Variants in ATXN7L1 observed in about 807,000 individuals in gnomAD.
The protein encoded by ATXN7L1 is ataxin-7-like protein 1.
ATXN7L1 carries 15 observed loss-of-function variants against 70.8 expected under a neutral mutation model. The ratio of observed to expected loss-of-function variants is 0.21; its 90% confidence interval spans 0.14 to 0.33. The LOEUF (loss-of-function observed/expected upper bound fraction) is 0.33, where lower values mean the gene tolerates loss of function less well. Ranked by LOEUF, ATXN7L1 falls within the 10% of genes least tolerant of loss-of-function variation. ATXN7L1 has a pLI of 1.00. For missense variants in ATXN7L1, 975 were observed against 1,097.1 expected (o/e 0.89, Z 1.57); for synonymous variants, 440 against 445.1 (o/e 0.99, Z 0.14).
intron 3 of ATXN7L1, chr7:105,760,337 T>G (rs573349435): frequency 5.8e-5 from 53 of 918,304 alleles, no homozygotes; most frequent in South Asian, 4.0e-4. Flanking sequence ...AGGGGGCTGT[T>G]AGGATCCCCA....
At chr7:105,753,291 T>G (rs1038421118) in intron 3 of ATXN7L1, among the ~76,000 whole-genome samples, 78 of 152,312 alleles carry the variant, frequency 5.1e-4, no homozygotes, top group African/African-American at 1.7e-3. Flanking sequence ...ACAAGTCACT[T>G]AAATTTTCTA....
At chr7:105,808,948 A>C (rs1056946913) in intron 2 of ATXN7L1, among the ~76,000 whole-genome samples, 3 of 152,264 alleles carry the variant, frequency 2.0e-5, no homozygotes, top group Non-Finnish European at 4.4e-5. Context: ...CTCATTGTCC[A>C]ACCTACGGGG....
chr7:105,729,258 G>C (rs759547060), intron 3 of ATXN7L1, among the ~76,000 whole-genome samples: 2 of 150,804 alleles, frequency 1.3e-5, no homozygotes, highest in Non-Finnish European at 1.5e-5. Context: ...GTGACACAAT[G>C]AGACTCTGTA....
chr7:105,875,721 T>C lies in ATXN7L1; in HGVS notation c.250+91A>G. On this transcript the variant is annotated intron_variant, in intron 2 of 11. Coordinates refer to ENST00000419735, the MANE Select transcript of ATXN7L1 (RefSeq NM_020725.2). ...AATTTTTGACAAGCCTTAGTCACTC[T>C]GTACCCAGCAGAACAATTCACATTA... 5 of 1,255,834 alleles carry C rather than the reference T, an allele frequency of 4.0e-6. No individual in the cohort carries two copies. The South Asian group carries it at 4.8e-5, about 12-fold the overall frequency. The allele number at this position is 1,255,834 out of a possible 1,614,324, so 77.8% of individuals were successfully genotyped here. A position where few individuals can be genotyped will look rare whatever the true frequency, so the allele number is the denominator to read the frequency against.
intron 3 of ATXN7L1, among the ~76,000 whole-genome samples, chr7:105,689,701 G>A (rs1584736244): frequency 6.6e-6 from 1 of 152,334 alleles, no homozygotes. Flanking sequence ...GGGCAGATTT[G>A]AATCAAATTA....
chr7:105,857,499 G>A (rs141701853), intron 2 of ATXN7L1, among the ~76,000 whole-genome samples: 61 of 152,254 alleles, frequency 4.0e-4, no homozygotes, highest in African/African-American at 1.3e-3. Context: ...CACTTTCTAC[G>A]CAGTCAGCAA....
At chr7:105,788,483 T>G in intron 3 of ATXN7L1, 121 bp downstream of exon 3, 1 of 809,058 alleles carries the variant, frequency 1.2e-6, no homozygotes, top group South Asian at 1.6e-5. Context: ...CCAGGAAGAC[T>G]TTACCCACAG....
chr7:105,863,252 T>C (rs1051120770), intron 2 of ATXN7L1, among the ~76,000 whole-genome samples: 2 of 152,174 alleles, frequency 1.3e-5, no homozygotes, highest in African/African-American at 4.8e-5. Context: ...TTAGCTCCTG[T>C]GATTTCCCTG....
chr7:105,862,676 G>A (rs1350997129), intron 2 of ATXN7L1, among the ~76,000 whole-genome samples: 2 of 152,186 alleles, frequency 1.3e-5, no homozygotes, highest in Non-Finnish European at 2.9e-5. Flanking sequence ...GAGGAGGAAA[G>A]GACTGTCAAG....
Position 105,620,154 on chromosome 7 carries a change from T to C in ATXN7L1, c.1517+46A>G, listed in dbSNP as rs188360680. The C allele has an allele frequency of 2.8e-4, 429 of 1,545,990 alleles. 2 individuals are homozygous for C. The highest frequency in any genetic ancestry group is 5.9e-5 in the Non-Finnish European group (68 of 1,143,480). On this transcript the variant is annotated intron_variant, in intron 9 of 11. Transcript: ENST00000419735. Reference sequence around the variant, plus strand: ...TTTAGAAAGTTAAGTTTCAGGTAACTGTGGGGCAGCTTGGATCTTATATTG... The same window carrying C: ...TTTAGAAAGTTAAGTTTCAGGTAACCGTGGGGCAGCTTGGATCTTATATTG...
chr7:105,764,101 G>A (rs1008391483), intron 3 of ATXN7L1, among the ~76,000 whole-genome samples: 6 of 151,928 alleles, frequency 3.9e-5, no homozygotes. Context: ...TGATCCACCC[G>A]CCTCAGCCTT....
intron 3 of ATXN7L1, among the ~76,000 whole-genome samples, chr7:105,741,139 G>T (rs1797982647): frequency 6.6e-6 from 1 of 152,130 alleles, no homozygotes; most frequent in Admixed American, 6.5e-5. Flanking sequence ...AGTTCACGCG[G>T]CTGGGCTGCA....
At chr7:105,621,071 A>G (rs567746195) in intron 8 of ATXN7L1, among the ~76,000 whole-genome samples, 2 of 152,216 alleles carry the variant, frequency 1.3e-5, no homozygotes, top group South Asian at 4.2e-4. Context: ...TCTGATGTCA[A>G]CAGAGCCACT....
chr7:105,643,635 G>C (rs1044268158), intron 4 of ATXN7L1, among the ~76,000 whole-genome samples: 26 of 152,240 alleles, frequency 1.7e-4, no homozygotes, highest in Non-Finnish European at 1.6e-4. Context: ...ATGGCTTCAG[G>C]CCAGCGTGCT....
At chr7:105,776,532 T>C (rs1802757734) in intron 3 of ATXN7L1, among the ~76,000 whole-genome samples, 1 of 149,262 alleles carries the variant, frequency 6.7e-6, no homozygotes, top group African/African-American at 2.5e-5. Flanking sequence ...AAAAACAGTA[T>C]ATTGGGCATC....
chr7:105,636,972 A>G (rs1255316689), intron 7 of ATXN7L1, among the ~76,000 whole-genome samples: 2 of 152,214 alleles, frequency 1.3e-5, no homozygotes, highest in African/African-American at 4.8e-5. Flanking sequence ...TTGGAACGGA[A>G]TTGTTGCCTC....
chr7:105,714,336 C>A (rs1369303993), intron 3 of ATXN7L1, among the ~76,000 whole-genome samples: 1 of 152,252 alleles, frequency 6.6e-6, no homozygotes, highest in Admixed American at 6.5e-5. Context: ...ATGCCCCACC[C>A]TCCTGACCAG....
chr7:105,806,093 T>TA (rs1807552341), intron 2 of ATXN7L1, among the ~76,000 whole-genome samples: 1 of 151,984 alleles, frequency 6.6e-6, no homozygotes, highest in African/African-American at 2.4e-5. Context: ...GGAAATGACT[T>TA]AGAGCTTTCT....
rs1301398863 is a variant in ATXN7L1, at chr7:105,613,867, G to A, written c.2467C>T (p.Arg823Trp). 11 of 1,551,832 alleles carry A rather than the reference G, an allele frequency of 7.1e-6. No individual in the cohort carries two copies. The highest frequency in any genetic ancestry group is 2.4e-5 in the East Asian group (1 of 40,930). ...GGTGCCAGGAGGTCCCTTACCTGCCGAGAGGAGGTGCTGTTAACGGGATCG... is the reference window on the plus strand; with the variant it reads ...GGTGCCAGGAGGTCCCTTACCTGCCAAGAGGAGGTGCTGTTAACGGGATCG... ...VPDPVNSTSSRQVGKNSSLAL... is the reference protein window; with the variant it reads ...VPDPVNSTSSWQVGKNSSLAL... Residue 823 changes from arginine (R) to tryptophan (W), a missense_variant, in exon 10 of 12, where the codon CGG becomes TGG. By Grantham distance (101) the Arg-to-Trp change is moderately radical. This residue lies in a region of ATXN7L1 where 635 missense variants were observed against 699.4 expected (regional missense o/e 0.91). Coordinates refer to ENST00000419735, the MANE Select transcript of ATXN7L1 (RefSeq NM_020725.2).
Sources: allele counts gnomAD v4.1 joint callset (sites outside exome capture counted in the v4.1 genomes callset), GRCh38; gene constraint gnomAD v4.1.1; regional missense constraint gnomAD v4.1.1; transcripts MANE v1.5; gene names NCBI Gene and HGNC (gene_info 2026-07-23, HGNC 2026-07-21).